Variants in EXTL2 observed in about 807,000 individuals in gnomAD.
EXTL2 encodes the protein exostosin-like 2.
In EXTL2, 23 loss-of-function variants were observed where a neutral mutation model predicts 30.7. That is an observed-to-expected ratio of 0.75 (90% CI 0.54 to 1.06). EXTL2 has a LOEUF of 1.06. EXTL2 is among the 50% of genes least tolerant of loss of function. EXTL2 has a pLI of 0.00. For synonymous variants in EXTL2, 123 were observed against 133.8 expected (o/e 0.92, Z 0.56); for missense variants, 352 against 396.3 (o/e 0.89, Z 0.95).
chr1:100,891,806 C>T (rs1252479145), intron 1 of EXTL2, among the ~76,000 whole-genome samples: 1 of 152,178 alleles, frequency 6.6e-6, no homozygotes, highest in Non-Finnish European at 1.5e-5. Flanking sequence ...AACTTGGTGC[C>T]TGGTGGCCTT....
intron 2 of EXTL2, chr1:100,880,771 T>G (rs1649491204): frequency 1.2e-5 from 2 of 164,624 alleles, no homozygotes; most frequent in Admixed American, 1.3e-4. Context: ...TATACCATGA[T>G]TAAGATCTTT....
At chr1:100,874,586 T>C (rs965069264) in intron 4 of EXTL2, among the ~76,000 whole-genome samples, 156 bp from the exon 5 acceptor site, 11 of 152,064 alleles carry the variant, frequency 7.2e-5, no homozygotes, top group Non-Finnish European at 4.4e-5. Context: ...TCCAGGTAAC[T>C]TCATAAATCT....
At chr1:100,876,730 G>T in intron 4 of EXTL2, 64 bp downstream of exon 4, 1 of 1,046,970 alleles carries the variant, frequency 9.6e-7, no homozygotes, top group Non-Finnish European at 1.5e-6. Flanking sequence ...TAACCATGTT[G>T]CCGTGGTTAA....
intron 2 of EXTL2, chr1:100,885,722 T>A (rs1413199261): frequency 1.3e-5 from 2 of 152,242 alleles, no homozygotes; most frequent in Non-Finnish European, 2.9e-5. Context: ...GGAAGAGTTT[T>A]TGATGTAAGG....
Position 100,874,200 on chromosome 1 carries a change from A to G in EXTL2, c.735T>C (p.Asp245=). 6.2e-7 allele frequency: 1 copy of G among 1,612,994 alleles called. No homozygotes were observed. Among genetic ancestry groups the G allele is most frequent in the Non-Finnish European group, 8.5e-7 (1 of 1,179,466 alleles). ...TGGCAATGATAAAATTCATGGCAATATCATCACAGTTTTGAGTATCATCTA... is the reference window on the plus strand; with the variant it reads ...TGGCAATGATAAAATTCATGGCAATGTCATCACAGTTTTGAGTATCATCTA... The part of the protein sequence containing the change: ...ALIDDTQNCD[D]IAMNFIIAKH... The change falls in exon 5 of 5, where the codon GAT becomes GAC. Residue 245 remains aspartate (D), a synonymous_variant. Transcript: ENST00000370114.
At chr1:100,881,719 A>G (rs1173967080) in intron 2 of EXTL2, among the ~76,000 whole-genome samples, 1 of 152,192 alleles carries the variant, frequency 6.6e-6, no homozygotes, top group Non-Finnish European at 1.5e-5. Flanking sequence ...ATGAACGAAA[A>G]AAATCCAAGA....
chr1:100,880,678 T>TA (rs1277200204), intron 2 of EXTL2, among the ~76,000 whole-genome samples: 2 of 152,172 alleles, frequency 1.3e-5, no homozygotes, highest in Admixed American at 6.5e-5. Flanking sequence ...GTAGGTCCCA[T>TA]AACACATATT....
intron 1 of EXTL2, among the ~76,000 whole-genome samples, chr1:100,892,914 A>G (rs1301066729): frequency 6.6e-6 from 1 of 152,204 alleles, no homozygotes; most frequent in Non-Finnish European, 1.5e-5. Context: ...AGGGTTGATT[A>G]CTGAGGAATG....
intron 4 of EXTL2, among the ~76,000 whole-genome samples, chr1:100,875,935 T>C (rs1269663796): frequency 1.3e-5 from 2 of 152,050 alleles, no homozygotes; most frequent in Non-Finnish European, 2.9e-5. Context: ...AAAAAAATTG[T>C]TGATATGGAA....
intron 4 of EXTL2, among the ~76,000 whole-genome samples, chr1:100,875,841 T>G (rs1416645071): frequency 6.6e-6 from 1 of 152,096 alleles, no homozygotes; most frequent in East Asian, 1.9e-4. Context: ...TAAGCATCAA[T>G]AGAAATCTCA....
Position 100,876,879 on chromosome 1 carries a change from C to A in EXTL2, c.434-15G>T. 6.3e-7 allele frequency: 1 copy of A among 1,591,598 alleles called. No individual in the cohort carries two copies. Among genetic ancestry groups the A allele is most frequent in the Non-Finnish European group, 8.6e-7 (1 of 1,160,682 alleles). On this transcript the variant is annotated splice_polypyrimidine_tract_variant and intron_variant, in intron 3 of 4. Transcript: ENST00000370114. ...CATCAACACTGCTAAAATGAAAGGA[C>A]AAAAATTTAAGTTGAATAGTTCGGA... is the stretch of plus-strand genomic sequence containing the variant.
chr1:100,886,067 G>T (rs1649943243), intron 2 of EXTL2, among the ~76,000 whole-genome samples: 2 of 152,182 alleles, frequency 1.3e-5, no homozygotes, highest in South Asian at 4.1e-4. Flanking sequence ...GATATGAATG[G>T]ATCATTTAGA....
At position 100,873,958 on chromosome 1, in the gene EXTL2, T is replaced by C; in HGVS notation, c.977A>G (p.Tyr326Cys). Reference protein sequence around the residue: ...ISQFGFPYANYKRKI With the variant: ...ISQFGFPYANCKRKI ...GTTTTACTTTTATATTTTTCTTTTG[T>C]AGTTGGCATATGGAAAACCAAACTG... The change falls in exon 5 of 5, where the codon TAC (tyrosine) becomes TGC (cysteine). Residue 326 changes from tyrosine (Y) to cysteine (C), a missense_variant. By Grantham distance (194) the Tyr-to-Cys change is radical. Coordinates refer to ENST00000370114, the MANE Select transcript of EXTL2 (RefSeq NM_001033025.3). 1.9e-6 allele frequency: 3 copies of C among 1,568,546 alleles called. No individual in the cohort carries two copies. The highest frequency in any genetic ancestry group is 2.6e-6 in the Non-Finnish European group (3 of 1,161,802).
chr1:100,893,933 T>C (rs1306919868), intron 1 of EXTL2, among the ~76,000 whole-genome samples: 2 of 152,192 alleles, frequency 1.3e-5, no homozygotes, highest in Non-Finnish European at 2.9e-5. Flanking sequence ...TAACTGAAAT[T>C]AAACTTCAAT....
At chr1:100,884,603 A>G (rs977414017) in intron 2 of EXTL2, among the ~76,000 whole-genome samples, 1 of 152,208 alleles carries the variant, frequency 6.6e-6, no homozygotes, top group African/African-American at 2.4e-5. Flanking sequence ...ACCTACATAC[A>G]GTGAGCCGAT....
In EXTL2 at chr1:100,877,727, G is replaced by T; in HGVS notation, c.182C>A (p.Ser61Tyr). 1.2e-6 allele frequency: 2 copies of T among 1,613,480 alleles called. No homozygotes were observed. The highest frequency in any genetic ancestry group is 1.7e-6 in the Non-Finnish European group (2 of 1,179,668). ...TATGAGAGTAAAGGAGTCCATGGTG[G>T]ACTTGCCCTGGGATTTTATTTCCCT... is the stretch of plus-strand genomic sequence containing the variant. Reference protein sequence around the residue: ...LRREIKSQGKSTMDSFTLIMQ... With the variant: ...LRREIKSQGKYTMDSFTLIMQ... Residue 61 changes from serine to tyrosine, a missense_variant, in exon 3 of 5, where the codon TCC becomes TAC. Transcript: ENST00000370114. This position sits in a 1 kb window ranked among gnomAD's most constrained non-coding sequence, Gnocchi z 4.1.
chr1:100,875,671 T>G (rs574759235), intron 4 of EXTL2, among the ~76,000 whole-genome samples: 1 of 152,164 alleles, frequency 6.6e-6, no homozygotes, highest in South Asian at 2.1e-4. Context: ...TTGGACTGAA[T>G]TTAAGTTGGT....
In EXTL2 at chr1:100,874,208, A is replaced by G. The variant is rs1648919801; in HGVS notation, c.727T>C (p.Cys243Arg). The change falls in exon 5 of 5, where the codon TGT (cysteine) becomes CGT (arginine). Residue 243 changes from cysteine to arginine, a missense_variant. Physicochemically the swap from Cys to Arg is radical, Grantham distance 180 (BLOSUM62 -3). Coordinates refer to ENST00000370114, the MANE Select transcript of EXTL2 (RefSeq NM_001033025.3). ...VHALIDDTQN[C>R]DDIAMNFIIA... The stretch of plus-strand genomic sequence containing the variant: ...ATAAAATTCATGGCAATATCATCAC[A>G]GTTTTGAGTATCATCTATCAAAGCA... The G allele has an allele frequency of 1.2e-6, 2 of 1,612,854 alleles. No individual in the cohort carries two copies. The highest frequency in any genetic ancestry group is 1.3e-5 in the African/African-American group (1 of 74,842).
At position 100,872,920 on chromosome 1, in the gene EXTL2, T is replaced by C. The variant is rs1252946373; in HGVS notation, c.*1022A>G. 1.3e-5 allele frequency: 2 copies of C among 152,066 alleles called. No individual in the cohort carries two copies. The highest frequency in any genetic ancestry group is 2.9e-5 in the Non-Finnish European group (2 of 67,970). 9.4% of individuals were successfully genotyped at this position (152,066 alleles called of 1,614,324 possible). On this transcript the variant is annotated 3_prime_UTR_variant, in exon 5 of 5. Transcript: ENST00000370114. Reference sequence around the variant, plus strand: ...GTTCTTATTTTCTCCTCCTTGTATGTAGTTGAAATTTCATCATTATGAATA... The same window carrying C: ...GTTCTTATTTTCTCCTCCTTGTATGCAGTTGAAATTTCATCATTATGAATA...
Sources: allele counts gnomAD v4.1 joint callset (sites outside exome capture counted in the v4.1 genomes callset), GRCh38; gene constraint gnomAD v4.1.1; non-coding constraint Gnocchi (gnomAD v3.1); transcripts MANE v1.5; gene names NCBI Gene and HGNC (gene_info 2026-07-23, HGNC 2026-07-21).